WARS1: variants seen among roughly 807,000 people sequenced by gnomAD.
WARS1 encodes tryptophanyl-tRNA synthetase 1.
WARS1 carries 17 observed loss-of-function variants against 47.8 expected under a neutral mutation model. The ratio of observed to expected loss-of-function variants is 0.36; its 90% CI spans 0.24 to 0.53. The LOEUF (loss-of-function observed/expected upper bound fraction) is 0.53. Among genes scored for constraint, WARS1 ranks in the 20% least tolerant of loss-of-function variants. WARS1 has a pLI of 0.91. For synonymous variants in WARS1, 208 were observed against 228.1 expected (o/e 0.91, Z 0.79); for missense variants, 434 against 608.0 (o/e 0.71, Z 3.01).
chr14:100,336,904 G>T (rs907063027), intron 10 of WARS1, 158 bp downstream of exon 10: 1 of 973,068 alleles, frequency 1.0e-6, no homozygotes, highest in Admixed American at 2.5e-5. Context: ...CTGAGCCCAG[G>T]CCTAAAAACC....
At chr14:100,338,475 C>T (rs1893902999) in intron 9 of WARS1, among the ~76,000 whole-genome samples, 1 of 152,066 alleles carries the variant, frequency 6.6e-6, no homozygotes, top group South Asian at 2.1e-4. Flanking sequence ...TCGTGTAGTC[C>T]AGTCTGGTCT....
chr14:100,356,132 G>A (rs1281926964), intron 4 of WARS1, among the ~76,000 whole-genome samples: 1 of 152,158 alleles, frequency 6.6e-6, no homozygotes, highest in Admixed American at 6.5e-5. Flanking sequence ...CTTGAAGCTT[G>A]ACTGTGCATA....
chr14:100,342,330 G>A, intron 9 of WARS1, 68 bp downstream of exon 9: 1 of 1,594,656 alleles, frequency 6.3e-7, no homozygotes, highest in Non-Finnish European at 8.6e-7. Context: ...AGTGGTGTGT[G>A]TGTGCGTGTG....
At chr14:100,364,063 T>G (rs1211469870) in intron 2 of WARS1, among the ~76,000 whole-genome samples, 1 of 152,182 alleles carries the variant, frequency 6.6e-6, no homozygotes, top group East Asian at 1.9e-4. Flanking sequence ...TGCTCTCTGC[T>G]TGCTGTTGAT....
chr14:100,374,247 G>GT (rs1896508766), intron 1 of WARS1: 1 of 152,204 alleles, frequency 6.6e-6, no homozygotes, highest in African/African-American at 2.4e-5. Context: ...AGATTCACCT[G>GT]TTTAACAAAT....
At chr14:100,336,957 C>G (rs962941590) in intron 10 of WARS1, 105 bp downstream of exon 10, 10 of 1,464,970 alleles carry the variant, frequency 6.8e-6, no homozygotes, top group Non-Finnish European at 8.3e-6. Flanking sequence ...TTCAGTTGAG[C>G]ACCTCCGACC....
In WARS1 at chr14:100,360,534, T is replaced by C. The variant is rs1895597295; in HGVS notation, c.422+20A>G. The C allele has an allele frequency of 1.9e-6, 3 of 1,586,742 alleles. No individual in the cohort carries two copies. The highest frequency in any genetic ancestry group is 1.1e-5 in the South Asian group (1 of 89,588). On this transcript the variant is annotated intron_variant, in intron 4 of 10. Coordinates refer to ENST00000392882, the MANE Select transcript of WARS1 (RefSeq NM_004184.4). The stretch of plus-strand genomic sequence containing the variant: ...AAAGAAGAGGACAGGTGAGAAGGCC[T>C]GTGGTGAAGAGCCCCTGACCTGTGT...
In WARS1 at chr14:100,334,811, G is replaced by A. The variant is rs1893594569; in HGVS notation, c.*64C>T. On this transcript the variant is annotated 3_prime_UTR_variant, in exon 11 of 11. Coordinates refer to ENST00000392882, the MANE Select transcript of WARS1 (RefSeq NM_004184.4). ...GCCTACAGGTGGCGGTGCTTTGACT[G>A]GGCTGGGATTATTGATACATTACTG... 4 of 1,577,786 alleles carry A rather than the reference G, an allele frequency of 2.5e-6. No homozygotes were observed. The South Asian group carries it at 3.5e-5, about 14-fold the overall frequency.
At chr14:100,339,697 G>C (rs148338578) in intron 9 of WARS1, 4 of 152,082 alleles carry the variant, frequency 2.6e-5, no homozygotes, top group African/African-American at 9.6e-5. Context: ...GTGTCTCCTA[G>C]CATCTAAGTG....
At chr14:100,364,848 T>G (rs1409058211) in intron 2 of WARS1, among the ~76,000 whole-genome samples, 1 of 152,232 alleles carries the variant, frequency 6.6e-6, no homozygotes, top group Admixed American at 6.5e-5. Context: ...GGTCTTTTAT[T>G]TATTTTATAA....
chr14:100,334,696 A>G lies in WARS1; in HGVS notation c.*179T>C, dbSNP rs1893588310. The G allele has an allele frequency of 1.6e-6, 1 of 644,460 alleles. No individual in the cohort carries two copies. The highest frequency in any genetic ancestry group is 3.2e-5 in the Admixed American group (1 of 31,178). The allele number at this position is 644,460 out of a possible 1,614,324, so 39.9% of individuals were successfully genotyped here. ...ACCCACAATGCTTTGCCCATAAGAG[A>G]TAGAAATAATGGAACTCACAGGAAG... On this transcript the variant is annotated 3_prime_UTR_variant, in exon 11 of 11. Coordinates refer to ENST00000392882, the MANE Select transcript of WARS1 (RefSeq NM_004184.4).
chr14:100,374,053 G>A (rs1032041694), intron 1 of WARS1: 2 of 152,172 alleles, frequency 1.3e-5, no homozygotes, highest in Non-Finnish European at 2.9e-5. Flanking sequence ...TCAACTTGGA[G>A]TTCAGGAACA....
At chr14:100,346,694 C>T (rs1395357344) in intron 7 of WARS1, 52 bp downstream of exon 7, 15 of 1,421,680 alleles carry the variant, frequency 1.1e-5, no homozygotes, top group Non-Finnish European at 1.5e-5. Flanking sequence ...CAGAACTCTG[C>T]TCCTTTTTGA....
intron 6 of WARS1, among the ~76,000 whole-genome samples, chr14:100,348,594 C>T (rs1418547634): frequency 1.3e-5 from 2 of 152,164 alleles, no homozygotes; most frequent in Non-Finnish European, 2.9e-5. Flanking sequence ...TGTCCTCCTG[C>T]CAAGCAAGCC....
intron 4 of WARS1, among the ~76,000 whole-genome samples, chr14:100,358,546 A>T (rs1895474171): frequency 6.6e-6 from 1 of 152,204 alleles, no homozygotes; most frequent in Non-Finnish European, 1.5e-5. Context: ...AGGATCAGAA[A>T]CTGAAATGTA....
intron 6 of WARS1, 75 bp downstream of exon 6, chr14:100,353,612 G>T (rs1002299229): frequency 1.3e-6 from 2 of 1,531,316 alleles, no homozygotes; most frequent in East Asian, 2.3e-5. Context: ...CAGTTGTTTC[G>T]AATTTAGCTG....
intron 2 of WARS1, among the ~76,000 whole-genome samples, chr14:100,362,303 C>T (rs576014425): frequency 1.3e-5 from 2 of 152,282 alleles, no homozygotes; most frequent in South Asian, 4.1e-4. Flanking sequence ...GTGACAAGCT[C>T]CTTTAATTGA....
At chr14:100,369,427 T>C (rs1896207856) in intron 1 of WARS1, among the ~76,000 whole-genome samples, 169 bp from the exon 2 acceptor site, 1 of 151,792 alleles carries the variant, frequency 6.6e-6, no homozygotes, top group African/African-American at 2.4e-5. Context: ...TTTGGGGCCA[T>C]GAAGAAGAGG....
intron 1 of WARS1, among the ~76,000 whole-genome samples, chr14:100,370,951 A>T (rs1896312012): frequency 6.6e-6 from 1 of 152,110 alleles, no homozygotes; most frequent in Admixed American, 6.5e-5. Flanking sequence ...TCTAAAAATA[A>T]AAATAAAATA....
Sources: allele counts gnomAD v4.1 joint callset (sites outside exome capture counted in the v4.1 genomes callset), GRCh38; gene constraint gnomAD v4.1.1; transcripts MANE v1.5; gene names NCBI Gene and HGNC (gene_info 2026-07-23, HGNC 2026-07-21).